Variants in THADA observed in about 807,000 individuals in gnomAD.
THADA encodes the protein THADA armadillo repeat containing.
Under a neutral mutation model 219.8 loss-of-function variants are expected in THADA, and 213 were observed. That is an observed-to-expected ratio of 0.97 (90% confidence interval 0.87 to 1.09). The LOEUF (loss-of-function observed/expected upper bound fraction) is 1.09. THADA is among the 50% of genes least tolerant of loss of function. THADA has a pLI of 0.00. For synonymous variants in THADA, 1,018 were observed against 828.9 expected (o/e 1.23, Z -3.92); for missense variants, 2,956 against 2,311.3 (o/e 1.28, Z -5.72).
intron 20 of THADA, among the ~76,000 whole-genome samples, chr2:43,542,346 T>A (rs1305708683): frequency 1.3e-5 from 2 of 152,240 alleles, no homozygotes; most frequent in Non-Finnish European, 2.9e-5. Flanking sequence ...AATTTGTTTT[T>A]AATTCATATG....
intron 36 of THADA, among the ~76,000 whole-genome samples, chr2:43,258,572 A>G (rs1180137219): frequency 6.6e-6 from 1 of 152,214 alleles, no homozygotes; most frequent in Non-Finnish European, 1.5e-5. Flanking sequence ...TTTGTTATTT[A>G]TCTGAAATTC....
intron 26 of THADA, among the ~76,000 whole-genome samples, chr2:43,445,713 C>T (rs559694877): frequency 6.6e-6 from 1 of 152,146 alleles, no homozygotes; most frequent in Non-Finnish European, 1.5e-5. Context: ...TGCTCTGTCA[C>T]CCAGGCTAAG....
chr2:43,366,090 G>T (rs967037945), intron 29 of THADA, among the ~76,000 whole-genome samples: 1 of 152,190 alleles, frequency 6.6e-6, no homozygotes. Flanking sequence ...CCACTAAACA[G>T]TGGGACACCA....
chr2:43,589,045 G>A (rs1475527053), intron 4 of THADA, among the ~76,000 whole-genome samples: 3 of 152,056 alleles, frequency 2.0e-5, no homozygotes, highest in Non-Finnish European at 4.4e-5. Context: ...GTAAAATGTT[G>A]CATATGGAAA....
chr2:43,595,753 G>GA (rs1369813206), intron 1 of THADA, 178 bp downstream of exon 1: 1 of 152,374 alleles, frequency 6.6e-6, no homozygotes, highest in Non-Finnish European at 1.5e-5. Context: ...GACAGTGGGA[G>GA]AAAGTGGTTA....
rs141040697 is a variant in THADA, at chr2:43,406,183, G to T, written c.4059-8044C>A. ...CAGAAACACAGTCCCAGGTGCAATGGCTATGGCTACTTGATTCATACCATC... is the reference window on the plus strand; with the variant it reads ...CAGAAACACAGTCCCAGGTGCAATGTCTATGGCTACTTGATTCATACCATC... On this transcript the variant is annotated intron_variant, in intron 28 of 37. Coordinates refer to ENST00000405975, the MANE Select transcript of THADA (RefSeq NM_022065.5). Among the ~76,000 whole-genome samples the T allele has an allele frequency of 5.5e-3, 836 of 152,300 alleles. 8 individuals carry two copies. The highest frequency in any genetic ancestry group is 0.019 in the African/African-American group (785 of 41,560).
chr2:43,520,651 C>G (rs564315203), intron 22 of THADA, among the ~76,000 whole-genome samples: 3 of 151,950 alleles, frequency 2.0e-5, no homozygotes, highest in African/African-American at 7.2e-5. Flanking sequence ...TATCACACCA[C>G]TGTGCTCCAG....
chr2:43,332,536 G>A lies in THADA; in HGVS notation c.4343+11586C>T, dbSNP rs141302925. ...CTTGTAATATTTGTGACTCTGAATTGGCTTTAATTGACTGAGAATGGCTCA... is the reference window on the plus strand; with the variant it reads ...CTTGTAATATTTGTGACTCTGAATTAGCTTTAATTGACTGAGAATGGCTCA... On this transcript the variant is annotated intron_variant, in intron 30 of 37. Coordinates refer to ENST00000405975, the MANE Select transcript of THADA (RefSeq NM_022065.5). Among the ~76,000 whole-genome samples, 25 of 152,236 alleles carry A rather than the reference G, an allele frequency of 1.6e-4. 1 individual carries two copies. The highest frequency in any genetic ancestry group is 6.0e-4 in the African/African-American group (25 of 41,532).
rs774086395 is a variant in THADA, at chr2:43,231,034, C to T, written c.5776G>A (p.Gly1926Arg). The change falls in exon 38 of 38, where the codon GGG (glycine) becomes AGG (arginine). Residue 1926 changes from glycine (G) to arginine (R), a missense_variant. By Grantham distance (125) the Gly-to-Arg change is moderately radical (BLOSUM62 -2). Transcript: ENST00000405975. ...RLLAFLEGKE[G>R]EDTLVLSVWD... ...ACACTGAGAACTAGGGTGTCTTCCCCTTCCTTTCCTTCCAAAAAGGCCAGC... is the reference window on the plus strand; with the variant it reads ...ACACTGAGAACTAGGGTGTCTTCCCTTTCCTTTCCTTCCAAAAAGGCCAGC... 2 of 1,613,962 alleles carry T rather than the reference C, an allele frequency of 1.2e-6. No individual in the cohort carries two copies. The highest frequency in any genetic ancestry group is 1.7e-6 in the Non-Finnish European group (2 of 1,179,880).
intron 31 of THADA, among the ~76,000 whole-genome samples, chr2:43,310,773 T>C (rs768169746): frequency 2.0e-5 from 3 of 152,220 alleles, no homozygotes; most frequent in Admixed American, 6.5e-5. Flanking sequence ...AAGGATATTA[T>C]GAAGACAGTA....
At chr2:43,393,460 A>G (rs1429192208) in intron 29 of THADA, among the ~76,000 whole-genome samples, 2 of 152,100 alleles carry the variant, frequency 1.3e-5, no homozygotes, top group Non-Finnish European at 2.9e-5. Context: ...TAATCCCAAC[A>G]CTTTGGGAGG....
Position 43,592,427 on chromosome 2 carries a change from G to A in THADA, c.-24-11C>T, listed in dbSNP as rs1383220119. The A allele has an allele frequency of 6.8e-6, 10 of 1,476,488 alleles. No individual in the cohort carries two copies. Among genetic ancestry groups the A allele is most frequent in the South Asian group, 4.9e-5 (4 of 81,682 alleles). 91.5% of individuals were successfully genotyped at this position (1,476,488 alleles called of 1,614,324 possible). ...AATTAATAGTAGTCACTGCAAGAAA[G>A]AAGACTTTAAGGCATTAATGTAAGG... On this transcript the variant is annotated splice_polypyrimidine_tract_variant and intron_variant, in intron 1 of 37. Coordinates refer to ENST00000405975, the MANE Select transcript of THADA (RefSeq NM_022065.5).
At chr2:43,523,650 C>T (rs1692780472) in intron 22 of THADA, among the ~76,000 whole-genome samples, 1 of 151,920 alleles carries the variant, frequency 6.6e-6, no homozygotes. Flanking sequence ...GATTTCTGTC[C>T]ACAGAATTGT....
rs140292730 is a variant in THADA at position 43,284,619 on chromosome 2, C to T, written c.5164+2289G>A. ...AGAACCTCTATTAGGGCAATATAGA[C>T]GGGGAAATGTGGGGTTAGAGCCCTC... On this transcript the variant is annotated intron_variant, in intron 35 of 37. Transcript: ENST00000405975. 6.3e-3 allele frequency among the ~76,000 whole-genome samples: 952 copies of T among 152,282 alleles called. 6 individuals are homozygous for T. Among genetic ancestry groups the T allele is most frequent in the African/African-American group, 0.019 (796 of 41,548 alleles).
intron 29 of THADA, among the ~76,000 whole-genome samples, chr2:43,357,390 T>C (rs1209882976): frequency 6.6e-6 from 1 of 152,204 alleles, no homozygotes; most frequent in African/African-American, 2.4e-5. Context: ...AGCAGAGTCA[T>C]GTTGTATACA....
chr2:43,323,703 T>C (rs1679008258), intron 30 of THADA, among the ~76,000 whole-genome samples: 1 of 152,096 alleles, frequency 6.6e-6, no homozygotes, highest in Admixed American at 6.5e-5. Flanking sequence ...AACTTCAGAA[T>C]AGGATGTAAG....
intron 29 of THADA, among the ~76,000 whole-genome samples, chr2:43,381,858 TATGAC>T (rs1414669398): frequency 6.6e-6 from 1 of 152,192 alleles, no homozygotes; most frequent in Non-Finnish European, 1.5e-5. Context: ...GTGCTGGGAT[TATGAC>T]ATGAGCCACT....
chr2:43,460,158 A>G (rs1683453018), intron 26 of THADA, among the ~76,000 whole-genome samples: 1 of 150,578 alleles, frequency 6.6e-6, no homozygotes, highest in African/African-American at 2.4e-5. Flanking sequence ...GAAGTGAATT[A>G]AAGTCAAGAA....
chr2:43,357,172 G>C (rs1334737148), intron 29 of THADA, among the ~76,000 whole-genome samples: 2 of 152,128 alleles, frequency 1.3e-5, no homozygotes, highest in Non-Finnish European at 1.5e-5. Flanking sequence ...AATCCAAATA[G>C]CCAATAAATG....
Sources: gnomAD v4.1 joint callset for allele counts (sites outside exome capture counted in the v4.1 genomes callset) on GRCh38, gnomAD v4.1.1 for gene constraint, MANE v1.5 for transcripts, NCBI Gene and HGNC (gene_info 2026-07-23, HGNC 2026-07-21) for gene names.